The following TCF20 variants were observed in gnomAD, a reference collection of about 807,000 sequenced individuals.
The protein encoded by TCF20 is transcription factor 20, also known as SPRE-binding protein.
TCF20 carries 3 observed loss-of-function variants against 148.6 expected under a neutral mutation model. That is an observed-to-expected ratio of 0.02 (90% CI 0.01 to 0.05). The LOEUF (loss-of-function observed/expected upper bound fraction) is 0.05, where lower values mean the gene tolerates loss of function less well. Ranked by LOEUF, TCF20 falls within the 10% of genes least tolerant of loss-of-function variation. TCF20 has a pLI of 1.00. For missense variants in TCF20, 2,350 were observed against 2,429.3 expected (o/e 0.97, Z 0.69); for synonymous variants, 1,049 against 909.5 (o/e 1.15, Z -2.76).
Position 42,168,652 on chromosome 22 carries a change from C to T in TCF20, c.*1G>A. ...CCATTCCCACGAGCACACTGCCCCC[C>T]TCACCCCCGCTCCGACTGCTCTGTG... On this transcript the variant is annotated 3_prime_UTR_variant, in exon 5 of 6. Coordinates refer to ENST00000677622, the MANE Select transcript of TCF20 (RefSeq NM_001378418.1). The T allele has an allele frequency of 6.2e-7, 1 of 1,601,062 alleles. No homozygotes were observed. The highest frequency in any genetic ancestry group is 1.1e-5 in the South Asian group (1 of 89,248).
rs149778452 is a variant in TCF20, at chr22:42,169,886, T to C, written c.5760A>G (p.Leu1920=). 1 of 1,613,176 alleles carries C rather than the reference T, an allele frequency of 6.2e-7. No individual in the cohort carries two copies. The highest frequency in any genetic ancestry group is 1.3e-5 in the African/African-American group (1 of 74,780). ...YPCAIDADCL[L]HEENFSVRCP... ...ACCTCACCGAGAAGTTCTCCTCATG[T>C]AGCAAACAATCTGGAAGACAGAAGG... Residue 1920 remains leucine (L), a synonymous_variant, in exon 4 of 6, where the codon CTA becomes CTG. Transcript: ENST00000677622.
chr22:42,291,386 G>A lies in TCF20; in HGVS notation c.-37+52093C>T, dbSNP rs549375426. ...CTGAGGAGAGGGCAGTGTGTGGAGCGGCAAAGGAAGGGGATCTCCATACTA... is the reference window on the plus strand; with the variant it reads ...CTGAGGAGAGGGCAGTGTGTGGAGCAGCAAAGGAAGGGGATCTCCATACTA... On this transcript the variant is annotated intron_variant, in intron 1 of 1. Transcript: ENST00000515426. Among the ~76,000 whole-genome samples the A allele has an allele frequency of 1.0e-3, 154 of 152,252 alleles. No homozygotes were observed. In the Middle Eastern group the frequency reaches 0.01, roughly 10 times the overall value.
intron 1 of TCF20, among the ~76,000 whole-genome samples, chr22:42,248,740 G>A (rs1925121674): frequency 1.3e-5 from 2 of 152,152 alleles, no homozygotes; most frequent in Non-Finnish European, 2.9e-5. Flanking sequence ...GCCGAATTTT[G>A]GGGCAGGGAA....
intron 2 of TCF20, among the ~76,000 whole-genome samples, chr22:42,198,849 G>A (rs1937774827): frequency 1.3e-5 from 2 of 152,008 alleles, no homozygotes; most frequent in Admixed American, 6.6e-5. Flanking sequence ...ATTTTTAGTA[G>A]AGACAGGGTT....
At chr22:42,199,554 G>A (rs568285742) in intron 2 of TCF20, among the ~76,000 whole-genome samples, 1 of 152,058 alleles carries the variant, frequency 6.6e-6, no homozygotes, top group South Asian at 2.1e-4. Context: ...CACATTGTCA[G>A]TATCTTGGGA....
chr22:42,263,793 G>T (rs1232353546), intron 1 of TCF20, among the ~76,000 whole-genome samples: 1 of 152,124 alleles, frequency 6.6e-6, no homozygotes, highest in Non-Finnish European at 1.5e-5. Context: ...TCCTAAGCGA[G>T]TACATTAACA....
rs1376567295 is a variant in TCF20, at chr22:42,183,140, C to T, written c.5656-3438G>A. ...GAGGACCACTGGTCTAATTCAACTC[C>T]CCAACTTTTCAGATGCGGAAAAAAG... On this transcript the variant is annotated intron_variant, in intron 2 of 5. Transcript: ENST00000677622. 3.3e-5 allele frequency among the ~76,000 whole-genome samples: 5 copies of T among 152,134 alleles called. No individual in the cohort carries two copies. The East Asian group carries it at 7.7e-4, about 23-fold the overall frequency.
At chr22:42,192,599 G>A (rs987503010) in intron 2 of TCF20, among the ~76,000 whole-genome samples, 9 of 152,128 alleles carry the variant, frequency 5.9e-5, no homozygotes, top group Non-Finnish European at 1.0e-4. Flanking sequence ...TTTCAAAAAC[G>A]AGGATATCTT....
intron 4 of TCF20, 126 bp downstream of exon 4, chr22:42,169,721 T>C (rs1184258198): frequency 7.4e-6 from 7 of 944,308 alleles, no homozygotes; most frequent in Admixed American, 2.4e-5. Flanking sequence ...AGGAGGGGAC[T>C]AACAGCCGGA....
intron 1 of TCF20, among the ~76,000 whole-genome samples, chr22:42,289,888 G>T (rs923229651): frequency 1.3e-5 from 2 of 152,190 alleles, no homozygotes; most frequent in African/African-American, 4.8e-5. Context: ...CCAGAGCCCT[G>T]CGGACCCCGG....
chr22:42,301,346 G>C (rs568320101), intron 1 of TCF20, among the ~76,000 whole-genome samples: 1 of 152,322 alleles, frequency 6.6e-6, no homozygotes, highest in East Asian at 1.9e-4. Flanking sequence ...AGGAGAGCCA[G>C]ACAGACAAGG....
Position 42,211,888 on chromosome 22 carries a change from T to C in TCF20, c.3418A>G (p.Lys1140Glu). The change falls in exon 2 of 6, where the codon AAA (lysine) becomes GAA (glutamate). Residue 1140 changes from lysine to glutamate, a missense_variant. By Grantham distance (56) the Lys-to-Glu change is moderately conservative (BLOSUM62 1). This residue lies in a region of TCF20 where 1,641 missense variants were observed against 1,662.6 expected (regional missense o/e 0.99). Coordinates refer to ENST00000677622, the MANE Select transcript of TCF20 (RefSeq NM_001378418.1). ...DRVRSPLKND[K>E]DGMMYGPPVG... ...GGTGGGCCATACATCATACCATCTT[T>C]GTCATTTTTCAGAGGGCTCCGTACT... 1 of 1,614,144 alleles carries C rather than the reference T, an allele frequency of 6.2e-7. No individual in the cohort carries two copies.
rs1601684592 is a variant in TCF20 at position 42,270,347 on chromosome 22, GC to G, written c.-46del. Among the ~76,000 whole-genome samples, 2 of 151,542 alleles carry G rather than the reference GC, an allele frequency of 1.3e-5. No homozygotes were observed. Among genetic ancestry groups the G allele is most frequent in the East Asian group, 3.9e-4 (2 of 5,114 alleles). Reference sequence around the variant, plus strand: ...GCCCGGGAGGCGGTTACCTGCAGGAGCCCCCCGCCCAGTCCCTCGGCCTCCG... The same window carrying G: ...GCCCGGGAGGCGGTTACCTGCAGGAGCCCCCGCCCAGTCCCTCGGCCTCCG... On this transcript the variant is annotated 5_prime_UTR_variant, in exon 1 of 6. Transcript: ENST00000677622.
At position 42,219,355 on chromosome 22, in the gene TCF20, CA is replaced by C. The variant is rs528664836; in HGVS notation, c.-36-4015del. On this transcript the variant is annotated intron_variant, in intron 1 of 5. Coordinates refer to ENST00000677622, the MANE Select transcript of TCF20 (RefSeq NM_001378418.1). ...ACCCTGGGTGACAGTAACCCTGTCTCAAAAAAAAAAAAAAAAAAAAAAAAAA... is the reference window on the plus strand; with the variant it reads ...ACCCTGGGTGACAGTAACCCTGTCTCAAAAAAAAAAAAAAAAAAAAAAAAA... Among the ~76,000 whole-genome samples the C allele has an allele frequency of 8.8e-3, 382 of 43,522 alleles. 2 individuals are homozygous for C. The highest frequency in any genetic ancestry group is 0.012 in the Non-Finnish European group (281 of 23,230). The allele number at this position is 43,522 out of a possible 152,430, so 28.6% of individuals were successfully genotyped here.
intron 1 of TCF20, among the ~76,000 whole-genome samples, chr22:42,334,122 C>G (rs1225696142): frequency 6.6e-6 from 1 of 152,196 alleles, no homozygotes. Flanking sequence ...CTGTCCAGAG[C>G]CTGAACATCT....
At chr22:42,259,098 A>G (rs1361694402) in intron 1 of TCF20, among the ~76,000 whole-genome samples, 2 of 152,188 alleles carry the variant, frequency 1.3e-5, no homozygotes, top group Admixed American at 6.5e-5. Flanking sequence ...TCTGACACGA[A>G]AAAGTCTTCC....
intron 1 of TCF20, among the ~76,000 whole-genome samples, chr22:42,225,392 A>C (rs992805564): frequency 6.6e-6 from 1 of 151,424 alleles, no homozygotes; most frequent in Admixed American, 6.6e-5. Context: ...AGGCGGGTGG[A>C]TCATGAGGTC....
chr22:42,247,292 T>G (rs983021431), intron 1 of TCF20, among the ~76,000 whole-genome samples: 5 of 151,292 alleles, frequency 3.3e-5, no homozygotes, highest in African/African-American at 1.2e-4. Flanking sequence ...ATATAAGAAT[T>G]TGCTTGGCGT....
intron 1 of TCF20, among the ~76,000 whole-genome samples, chr22:42,241,151 C>T (rs1212088295): frequency 6.6e-6 from 1 of 152,216 alleles, no homozygotes; most frequent in East Asian, 1.9e-4. Flanking sequence ...AGCCAGCGCG[C>T]CTGGGCTTCA....
Sources: gnomAD v4.1 joint callset for allele counts (sites outside exome capture counted in the v4.1 genomes callset) on GRCh38, gnomAD v4.1.1 for gene constraint, gnomAD v4.1.1 regional missense constraint, MANE v1.5 for transcripts, NCBI Gene and HGNC (gene_info 2026-07-23, HGNC 2026-07-21) for gene names.